Variants in DNAJC16 observed in about 807,000 individuals in gnomAD.
The protein encoded by DNAJC16 is dnaJ homolog subfamily C member 16.
A neutral mutation model predicts 92.7 loss-of-function variants in DNAJC16; 76 were observed. The observed-to-expected ratio is 0.82, with a 90% CI of 0.68 to 0.99. DNAJC16 has a LOEUF of 0.99. Ranked by LOEUF, DNAJC16 falls within the 50% of genes least tolerant of loss-of-function variation. DNAJC16 has a pLI of 0.00. For synonymous variants in DNAJC16, 328 were observed against 358.7 expected, an observed-to-expected ratio of 0.91 and a Z score of 0.97; for missense variants, 869 against 942.4, an observed-to-expected ratio of 0.92 and a Z score of 1.02.
intron 2 of DNAJC16, among the ~76,000 whole-genome samples, chr1:15,531,951 T>C (rs146484232): frequency 2.0e-5 from 3 of 152,376 alleles, no homozygotes; most frequent in African/African-American, 4.8e-5. Context: ...GAGTTGGATC[T>C]GGAGCCTTCC....
chr1:15,546,745 A>G (rs1638316576), intron 5 of DNAJC16, 22 bp from the exon 6 acceptor site: 2 of 1,556,102 alleles, frequency 1.3e-6, no homozygotes, highest in African/African-American at 2.7e-5. Context: ...TATTGAGACT[A>G]ACATTCTATT....
chr1:15,550,163 G>C (rs1638414241), intron 7 of DNAJC16, among the ~76,000 whole-genome samples: 1 of 152,190 alleles, frequency 6.6e-6, no homozygotes, highest in African/African-American at 2.4e-5. Context: ...ACGAGAAGGT[G>C]CTGCAAGTCA....
chr1:15,534,250 A>G lies in DNAJC16; in HGVS notation c.181A>G (p.Asn61Asp). 2.5e-6 allele frequency: 4 copies of G among 1,614,074 alleles called. No homozygotes were observed. Among genetic ancestry groups the G allele is most frequent in the Non-Finnish European group, 3.4e-6 (4 of 1,179,978 alleles). The change falls in exon 3 of 15, where the codon AAC becomes GAC. Residue 61 changes from asparagine (N) to aspartate (D), a missense_variant. Asn to Asp is a conservative substitution (Grantham distance 23). Transcript: ENST00000375847. ...KLAREWHPDKNKDPGAEDKFI... is the reference protein window; with the variant it reads ...KLAREWHPDKDKDPGAEDKFI... ...TTTGTGTTTCAGGCATCCTGACAAAAACAAAGATCCTGGAGCAGAAGACAA... is the reference window on the plus strand; with the variant it reads ...TTTGTGTTTCAGGCATCCTGACAAAGACAAAGATCCTGGAGCAGAAGACAA...
intron 9 of DNAJC16, among the ~76,000 whole-genome samples, chr1:15,563,660 T>C (rs1638740107): frequency 1.9e-5 from 2 of 103,658 alleles, no homozygotes; most frequent in African/African-American, 7.9e-5. Context: ...ACCCCATCTC[T>C]ACTAAAAAAA....
chr1:15,566,652 G>A (rs1480716063), intron 13 of DNAJC16: 1 of 176,602 alleles, frequency 5.7e-6, no homozygotes, highest in Non-Finnish European at 1.2e-5. Context: ...AGGAGGCCTA[G>A]GTGGGAGGAT....
chr1:15,543,103 T>A (rs2103411072), intron 4 of DNAJC16, among the ~76,000 whole-genome samples: 1 of 152,314 alleles, frequency 6.6e-6, no homozygotes, highest in African/African-American at 2.4e-5. Context: ...TGGGGATACA[T>A]CAGTGGACTA....
At chr1:15,537,324 G>A (rs975619410) in intron 4 of DNAJC16, among the ~76,000 whole-genome samples, 1 of 152,168 alleles carries the variant, frequency 6.6e-6, no homozygotes, top group Admixed American at 6.5e-5. Flanking sequence ...GTCACACACT[G>A]GTAAAAACTA....
rs1231890651 is a variant in DNAJC16 at position 15,568,227 on chromosome 1, T to A, written c.*50T>A. ...CTCTTCAGACTTTTTAACATGCCCC[T>A]GTGAACAGGTATTTTCAGGACTCAA... On this transcript the variant is annotated 3_prime_UTR_variant, in exon 15 of 15. Transcript: ENST00000375847. 1.4e-6 allele frequency: 2 copies of A among 1,476,850 alleles called. No homozygotes were observed. Among genetic ancestry groups the A allele is most frequent in the African/African-American group, 2.8e-5 (2 of 71,102 alleles). 91.5% of individuals were successfully genotyped at this position (1,476,850 alleles called of 1,614,324 possible).
intron 13 of DNAJC16, 30 bp downstream of exon 13, chr1:15,566,210 C>T: frequency 1.3e-6 from 2 of 1,564,312 alleles, no homozygotes; most frequent in Middle Eastern, 1.7e-4. Context: ...AGACTCACCT[C>T]CCCGGCACCT....
chr1:15,532,310 A>T (rs558044279), intron 2 of DNAJC16, among the ~76,000 whole-genome samples: 1 of 152,294 alleles, frequency 6.6e-6, no homozygotes, highest in Non-Finnish European at 1.5e-5. Flanking sequence ...AATTTTAAAG[A>T]TTGTGTATTA....
At position 15,562,172 on chromosome 1, in the gene DNAJC16, T is replaced by G; in HGVS notation, c.1185T>G (p.Thr395=). The G allele has an allele frequency of 1.9e-6, 3 of 1,614,008 alleles. No individual in the cohort carries two copies. The highest frequency in any genetic ancestry group is 2.5e-6 in the Non-Finnish European group (3 of 1,179,898). ...KYCVVLLTAE[T]TKLSKPFEAF... ...GTGTGGTTTTATTGACTGCTGAGAC[T>G]ACCAAGTTGAGCAAACCCTTTGAGG... The change falls in exon 9 of 15, where the codon ACT becomes ACG. Residue 395 remains threonine (T), a synonymous_variant. Transcript: ENST00000375847.
chr1:15,533,682 A>C (rs1451530757), intron 2 of DNAJC16, among the ~76,000 whole-genome samples: 1 of 152,212 alleles, frequency 6.6e-6, no homozygotes, highest in Non-Finnish European at 1.5e-5. Flanking sequence ...ATCCAGGTAA[A>C]AAGCAATCGT....
intron 4 of DNAJC16, among the ~76,000 whole-genome samples, chr1:15,539,255 T>A (rs199868780): frequency 1.4e-5 from 2 of 146,380 alleles, no homozygotes; most frequent in East Asian, 1.9e-4. Flanking sequence ...TTTTTTTTTT[T>A]ATTTTTTTGA....
chr1:15,539,165 G>A (rs917021586), intron 4 of DNAJC16, among the ~76,000 whole-genome samples: 1 of 152,184 alleles, frequency 6.6e-6, no homozygotes, highest in African/African-American at 2.4e-5. Context: ...CCGAGGGTGT[G>A]CAGATTAGCC....
intron 4 of DNAJC16, among the ~76,000 whole-genome samples, chr1:15,544,186 A>ACACACACACACACACACACACACACACG (rs56918246): frequency 2.0e-5 from 3 of 148,688 alleles, no homozygotes; most frequent in Non-Finnish European, 4.4e-5. Context: ...ACACACACAC[A>ACACACACACACACACACACACACACACG]TTTGTAACTC....
At chr1:15,566,855 G>C (rs1272038397) in intron 13 of DNAJC16, among the ~76,000 whole-genome samples, 1 of 152,150 alleles carries the variant, frequency 6.6e-6, no homozygotes, top group Admixed American at 6.5e-5. Context: ...CTGCACTCAA[G>C]CCTGGAAAAC....
In DNAJC16 at chr1:15,544,539, C is replaced by G; in HGVS notation, c.715C>G (p.Arg239Gly). Residue 239 changes from arginine (R) to glycine (G), a missense_variant, in exon 5 of 15, where the codon CGA becomes GGA. By Grantham distance (125) the Arg-to-Gly change is moderately radical. Coordinates refer to ENST00000375847, the MANE Select transcript of DNAJC16 (RefSeq NM_015291.4). ...FHNAVVRENLRQFVESLLPGN... is the reference protein window; with the variant it reads ...FHNAVVRENLGQFVESLLPGN... ...CAATGCAGTTGTCCGTGAAAATCTG[C>G]GACAATTTGTAGAAAGTCTTCTTCC... 6.2e-7 allele frequency: 1 copy of G among 1,614,086 alleles called. No individual in the cohort carries two copies. Among genetic ancestry groups the G allele is most frequent in the Non-Finnish European group, 8.5e-7 (1 of 1,180,002 alleles).
chr1:15,539,096 C>T (rs1710864972), intron 4 of DNAJC16, among the ~76,000 whole-genome samples: 1 of 152,136 alleles, frequency 6.6e-6, no homozygotes, highest in African/African-American at 2.4e-5. Flanking sequence ...ATGGGTATGA[C>T]AGATGTTTAC....
rs142010118 is a variant in DNAJC16, at chr1:15,568,558, T to A, written c.*381T>A. ...CATCTGGCGGACCCTCATGAGCCTG[T>A]CGTGCAGGCCAGGTCATTGGCCCCT... On this transcript the variant is annotated 3_prime_UTR_variant, in exon 15 of 15. Transcript: ENST00000375847. 216 of 420,942 alleles carry A rather than the reference T, an allele frequency of 5.1e-4. No individual in the cohort carries two copies. The highest frequency in any genetic ancestry group is 3.9e-3 in the African/African-American group (194 of 49,190). The allele number at this position is 420,942 out of a possible 1,614,324, so 26.1% of individuals were successfully genotyped here. A position where few individuals can be genotyped will look rare whatever the true frequency, so the allele number is the denominator to read the frequency against.
Sources: allele counts gnomAD v4.1 joint callset (sites outside exome capture counted in the v4.1 genomes callset), GRCh38; gene constraint gnomAD v4.1.1; transcripts MANE v1.5; gene names NCBI Gene and HGNC (gene_info 2026-07-23, HGNC 2026-07-21).